C3orf70: variants seen among roughly 807,000 people sequenced by gnomAD.
C3orf70 encodes chromosome 3 open reading frame 70, also known as UPF0524 protein C3orf70.
C3orf70 carries 15 observed loss-of-function variants against 20.7 expected under a neutral mutation model. The observed-to-expected ratio is 0.72, with a 90% CI of 0.48 to 1.11. The LOEUF is 1.11. Among genes scored for constraint, C3orf70 ranks in the 50% most tolerant of loss-of-function variants. The probability of loss-of-function intolerance (pLI) is 0.00; values close to 1 mark genes in which losing one functional copy is unlikely to be tolerated. For synonymous variants in C3orf70, 161 were observed against 125.7 expected, an observed-to-expected ratio of 1.28 and a Z score of -1.88; for missense variants, 332 against 317.6, an observed-to-expected ratio of 1.05 and a Z score of -0.34.
intron 1 of C3orf70, among the ~76,000 whole-genome samples, chr3:185,148,401 G>C (rs1450299879): frequency 6.6e-6 from 1 of 152,150 alleles, no homozygotes; most frequent in African/African-American, 2.4e-5. Flanking sequence ...GCATAAAGCA[G>C]AATTCTAGAA....
Position 185,145,755 on chromosome 3 carries a change from T to C in C3orf70, c.196+6873A>G, listed in dbSNP as rs114013678. ...AATTTCCTAATCTTAAAAATGAAGATAGTAACAGTACCTACTTCACAAGAT... is the reference window on the plus strand; with the variant it reads ...AATTTCCTAATCTTAAAAATGAAGACAGTAACAGTACCTACTTCACAAGAT... On this transcript the variant is annotated intron_variant, in intron 1 of 1. Transcript: ENST00000335012. Among the ~76,000 whole-genome samples, 714 of 152,332 alleles carry C rather than the reference T, an allele frequency of 4.7e-3. 5 individuals carry two copies. Among genetic ancestry groups the C allele is most frequent in the African/African-American group, 0.016 (673 of 41,574 alleles).
intron 1 of C3orf70, among the ~76,000 whole-genome samples, chr3:185,124,925 G>A (rs1353493149): frequency 6.6e-6 from 1 of 152,156 alleles, no homozygotes; most frequent in Non-Finnish European, 1.5e-5. Flanking sequence ...ACATCATTAC[G>A]TTAGAGAAGT....
At chr3:185,119,197 T>A (rs1233459896) in intron 1 of C3orf70, among the ~76,000 whole-genome samples, 1 of 152,180 alleles carries the variant, frequency 6.6e-6, no homozygotes, top group Non-Finnish European at 1.5e-5. Flanking sequence ...TACTATGAGG[T>A]TGCCTCTCCT....
At chr3:185,146,083 GTCTCTGGAAGAACCTATCAGCTTTCTCTA>G (rs1716869293) in intron 1 of C3orf70, among the ~76,000 whole-genome samples, 1 of 144,782 alleles carries the variant, frequency 6.9e-6, no homozygotes, top group East Asian at 2.0e-4. Flanking sequence ...AGCTTTCTCT[GTCTCTGGAAGAACCTATCAGCTTTCTCTA>G]TCTCTGGAAG....
In C3orf70 at chr3:185,111,675, T is replaced by C. The variant is rs151133307; in HGVS notation, c.197-28112A>G. 3.9e-3 allele frequency among the ~76,000 whole-genome samples: 589 copies of C among 151,974 alleles called. 4 individuals are homozygous for C. Among genetic ancestry groups the C allele is most frequent in the African/African-American group, 0.013 (543 of 41,416 alleles). The stretch of plus-strand genomic sequence containing the variant: ...TATTTTGAAAAACAATTTGGAAGAG[T>C]TGATAGAGGACCCCAGGATCTCTGG... On this transcript the variant is annotated intron_variant, in intron 1 of 1. Transcript: ENST00000335012.
chr3:185,090,514 C>G (rs1305840378), intron 1 of C3orf70, among the ~76,000 whole-genome samples: 1 of 151,856 alleles, frequency 6.6e-6, no homozygotes, highest in Non-Finnish European at 1.5e-5. Context: ...AATATTTGTG[C>G]AAGCAAAATA....
intron 1 of C3orf70, among the ~76,000 whole-genome samples, chr3:185,150,558 C>T (rs1441666594): frequency 6.6e-6 from 1 of 152,156 alleles, no homozygotes; most frequent in African/African-American, 2.4e-5. Flanking sequence ...AACAAAACAG[C>T]TCAATGGCTT....
chr3:185,089,027 A>C (rs1193921156), intron 1 of C3orf70, among the ~76,000 whole-genome samples: 1 of 152,220 alleles, frequency 6.6e-6, no homozygotes, highest in Non-Finnish European at 1.5e-5. Flanking sequence ...ACTTGTCTCA[A>C]GGACTTTCTA....
intron 1 of C3orf70, among the ~76,000 whole-genome samples, chr3:185,143,577 C>A (rs1423904653): frequency 6.6e-6 from 1 of 151,896 alleles, no homozygotes; most frequent in Admixed American, 6.6e-5. Flanking sequence ...AGTATGCTTA[C>A]AAAATACTCT....
At chr3:185,105,926 G>A (rs191524423) in intron 1 of C3orf70, among the ~76,000 whole-genome samples, 1 of 152,214 alleles carries the variant, frequency 6.6e-6, no homozygotes, top group East Asian at 1.9e-4. Context: ...ATGATGAGGA[G>A]GAAGGAGAGT....
chr3:185,140,437 A>G (rs1271878995), intron 1 of C3orf70, among the ~76,000 whole-genome samples: 1 of 152,240 alleles, frequency 6.6e-6, no homozygotes, highest in Non-Finnish European at 1.5e-5. Flanking sequence ...GGATATATAA[A>G]TGGCAAATAA....
chr3:185,140,611 G>A (rs1716730849), intron 1 of C3orf70, among the ~76,000 whole-genome samples: 1 of 151,840 alleles, frequency 6.6e-6, no homozygotes, highest in Admixed American at 6.6e-5. Flanking sequence ...AGTAATAATA[G>A]GTCTTGAGGG....
chr3:185,131,421 C>A (rs536004856), intron 1 of C3orf70, among the ~76,000 whole-genome samples: 4 of 152,090 alleles, frequency 2.6e-5, no homozygotes, highest in African/African-American at 9.7e-5. Context: ...GTCTGATATC[C>A]GGTTAAACAG....
chr3:185,090,139 T>C (rs73885679), intron 1 of C3orf70, among the ~76,000 whole-genome samples: 3,674 of 152,342 alleles, frequency 0.024, 122 homozygotes, highest in African/African-American at 0.083. Context: ...GATCATGCTC[T>C]ATTAGTTACC....
chr3:185,148,650 C>T (rs1448185782), intron 1 of C3orf70, among the ~76,000 whole-genome samples: 1 of 152,192 alleles, frequency 6.6e-6, no homozygotes, highest in African/African-American at 2.4e-5. Context: ...CTCTTGAAAA[C>T]CTTCACTCGT....
rs564274958 is a variant in C3orf70 at position 185,139,017 on chromosome 3, A to C, written c.196+13611T>G. 2.8e-4 allele frequency among the ~76,000 whole-genome samples: 42 copies of C among 152,156 alleles called. No homozygotes were observed. In the South Asian group the frequency reaches 6.2e-3, roughly 23 times the overall value. On this transcript the variant is annotated intron_variant, in intron 1 of 1. Coordinates refer to ENST00000335012, the MANE Select transcript of C3orf70 (RefSeq NM_001025266.3). ...CTTGAGTGGCTGAGGCAGGAGGATCATTTGAGCCCAGGAGGTAGAGGCTGC... is the reference window on the plus strand; with the variant it reads ...CTTGAGTGGCTGAGGCAGGAGGATCCTTTGAGCCCAGGAGGTAGAGGCTGC...
Position 185,152,710 on chromosome 3 carries a change from G to A in C3orf70, c.114C>T (p.Cys38=), listed in dbSNP as rs1194400655. Residue 38 remains cysteine, a synonymous_variant, in exon 1 of 2, where the codon TGC becomes TGT. Coordinates refer to ENST00000335012, the MANE Select transcript of C3orf70 (RefSeq NM_001025266.3). ...CAARRPDFQP[C]DGLSICATHS... is the part of the protein sequence containing the mutation. ...GCGTGGCACAGATAGACAGCCCGTC[G>A]CACGGCTGGAAGTCGGGTCTGCGGG... 2 of 1,593,008 alleles carry A rather than the reference G, an allele frequency of 1.3e-6. No individual in the cohort carries two copies. The highest frequency in any genetic ancestry group is 1.7e-6 in the Non-Finnish European group (2 of 1,170,338).
At chr3:185,095,241 A>T (rs962963739) in intron 1 of C3orf70, among the ~76,000 whole-genome samples, 3 of 152,180 alleles carry the variant, frequency 2.0e-5, no homozygotes, top group African/African-American at 7.2e-5. Context: ...GAGTTACTAG[A>T]CTGACCAACA....
intron 1 of C3orf70, among the ~76,000 whole-genome samples, chr3:185,114,443 T>G (rs1440465916): frequency 6.6e-6 from 1 of 152,180 alleles, no homozygotes. Flanking sequence ...TTCAGTAAAT[T>G]AATGAAACTA....
Sources: gnomAD v4.1 joint callset for allele counts (sites outside exome capture counted in the v4.1 genomes callset) on GRCh38, gnomAD v4.1.1 for gene constraint, MANE v1.5 for transcripts, NCBI Gene and HGNC (gene_info 2026-07-23, HGNC 2026-07-21) for gene names.